ZNF366: variants seen among roughly 807,000 people sequenced by gnomAD.
ZNF366 encodes dendritic cell-specific transcript protein.
Under a neutral mutation model 47.2 loss-of-function variants are expected in ZNF366, and 20 were observed. The ratio of observed to expected loss-of-function variants is 0.42; its 90% CI spans 0.30 to 0.62. The LOEUF (loss-of-function observed/expected upper bound fraction) is 0.62, where lower values mean the gene tolerates loss of function less well. Among genes scored for constraint, ZNF366 ranks in the 20% least tolerant of loss-of-function variants. ZNF366 has a pLI of 0.16. For synonymous variants in ZNF366, 421 were observed against 395.1 expected, an observed-to-expected ratio of 1.07 and a Z score of -0.78; for missense variants, 987 against 976.3, an observed-to-expected ratio of 1.01 and a Z score of -0.15.
At chr5:72,453,263 CTTG>C (rs576379380) in intron 3 of ZNF366, among the ~76,000 whole-genome samples, 272 of 152,328 alleles carry the variant, frequency 1.8e-3, no homozygotes, top group African/African-American at 3.5e-3. Context: ...AAGCCTCTTC[CTTG>C]TTGTGAGTTT....
chr5:72,497,109 G>T (rs1744129959), intron 1 of ZNF366, among the ~76,000 whole-genome samples: 1 of 151,904 alleles, frequency 6.6e-6, no homozygotes, highest in African/African-American at 2.4e-5. Context: ...TTTTATAACG[G>T]TATCTTTTTC....
At chr5:72,471,528 G>A (rs959970016) in intron 1 of ZNF366, among the ~76,000 whole-genome samples, 13 of 152,174 alleles carry the variant, frequency 8.5e-5, no homozygotes, top group Non-Finnish European at 1.8e-4. Context: ...GGCTGGAGGA[G>A]GAAGGTTTGG....
rs542691223 is a variant in ZNF366, at chr5:72,498,130, G to A, written c.-15+9121C>T. On this transcript the variant is annotated intron_variant, in intron 1 of 4. Transcript: ENST00000318442. ...AAAGGCCCTTCCTACTCTGCGATTC[G>A]AAAAAAAAATATCTCTACAGTTGTT... Among the ~76,000 whole-genome samples, 51 of 149,376 alleles carry A rather than the reference G, an allele frequency of 3.4e-4. No individual in the cohort carries two copies. The South Asian group carries it at 9.9e-3, about 29-fold the overall frequency.
chr5:72,445,842 G>A (rs1295465142), intron 4 of ZNF366, among the ~76,000 whole-genome samples: 3 of 152,142 alleles, frequency 2.0e-5, no homozygotes, highest in Admixed American at 2.0e-4. Flanking sequence ...ACTTTTGCAG[G>A]AAAAATAAAA....
intron 1 of ZNF366, among the ~76,000 whole-genome samples, chr5:72,464,136 G>A (rs1743386960): frequency 6.6e-6 from 1 of 152,126 alleles, no homozygotes; most frequent in African/African-American, 2.4e-5. Flanking sequence ...CCTGGTACAT[G>A]CTAGAGAGCT....
At chr5:72,473,221 C>T (rs752311803) in intron 1 of ZNF366, among the ~76,000 whole-genome samples, 3 of 152,146 alleles carry the variant, frequency 2.0e-5, no homozygotes, top group Non-Finnish European at 2.9e-5. Context: ...GAGGAGCAGC[C>T]ATATTGGAAC....
chr5:72,476,077 A>C (rs114774027), intron 1 of ZNF366, among the ~76,000 whole-genome samples: 2,107 of 152,246 alleles, frequency 0.014, 41 homozygotes, highest in African/African-American at 0.049. Context: ...GCACCATAAA[A>C]AAATTTCTTG....
chr5:72,469,258 T>C (rs193056518), intron 1 of ZNF366, among the ~76,000 whole-genome samples: 154 of 152,300 alleles, frequency 1.0e-3, no homozygotes, highest in Admixed American at 7.6e-3. Context: ...ATAGAAATAT[T>C]TTGTATTTTG....
intron 2 of ZNF366, among the ~76,000 whole-genome samples, chr5:72,456,861 G>A (rs11738166): frequency 0.01 from 1,571 of 152,248 alleles, 13 homozygotes; most frequent in Non-Finnish European, 0.016. Context: ...TGTTCCAGCT[G>A]CTGCTGGGGT....
intron 3 of ZNF366, among the ~76,000 whole-genome samples, chr5:72,452,957 A>G (rs1173888211): frequency 6.6e-6 from 1 of 152,222 alleles, no homozygotes; most frequent in Non-Finnish European, 1.5e-5. Context: ...GCTGGCTCCA[A>G]GAAGCACGAG....
chr5:72,472,645 A>G, intron 1 of ZNF366: 1 of 779,546 alleles, frequency 1.3e-6, no homozygotes, highest in Non-Finnish European at 1.6e-6. Context: ...CATAGTAATT[A>G]CAGAATTACA....
chr5:72,469,132 G>A (rs142480000), intron 1 of ZNF366, among the ~76,000 whole-genome samples: 1,546 of 152,214 alleles, frequency 0.01, 18 homozygotes, highest in African/African-American at 0.036. Context: ...CAGAAAATAC[G>A]ATGATCTGCA....
chr5:72,455,583 G>C (rs1398103578), intron 3 of ZNF366, among the ~76,000 whole-genome samples: 1 of 152,200 alleles, frequency 6.6e-6, no homozygotes, highest in East Asian at 1.9e-4. Flanking sequence ...TTTAGAAGTA[G>C]AGAGAGGAAA....
intron 1 of ZNF366, among the ~76,000 whole-genome samples, chr5:72,504,914 C>T (rs1040680017): frequency 6.6e-6 from 1 of 152,156 alleles, no homozygotes; most frequent in Non-Finnish European, 1.5e-5. Context: ...TAAGTACCTG[C>T]CCCGAGGCCC....
chr5:72,491,658 CACTT>C (rs1020664444), intron 1 of ZNF366, among the ~76,000 whole-genome samples: 14 of 152,186 alleles, frequency 9.2e-5, no homozygotes, highest in Non-Finnish European at 1.2e-4. Flanking sequence ...CAGAAAAAGA[CACTT>C]AATAAATGGC....
At chr5:72,479,918 C>T (rs916665452) in intron 1 of ZNF366, among the ~76,000 whole-genome samples, 5 of 152,098 alleles carry the variant, frequency 3.3e-5, no homozygotes, top group Non-Finnish European at 5.9e-5. Context: ...CTAATATAAC[C>T]AAGACTTCAG....
chr5:72,488,041 A>G (rs1743926214), intron 1 of ZNF366, among the ~76,000 whole-genome samples: 1 of 151,918 alleles, frequency 6.6e-6, no homozygotes, highest in Non-Finnish European at 1.5e-5. Flanking sequence ...CCCCCTCCCT[A>G]CTAAAAATAC....
In ZNF366 at chr5:72,493,573, T is replaced by A. The variant is rs541430055; in HGVS notation, c.-15+13678A>T. On this transcript the variant is annotated intron_variant, in intron 1 of 4. Transcript: ENST00000318442. Reference sequence around the variant, plus strand: ...TTCTTTGCTGTCAGAAGACCTAGATTCTTCAAAACACACCTTCTGCAACTT... The same window carrying A: ...TTCTTTGCTGTCAGAAGACCTAGATACTTCAAAACACACCTTCTGCAACTT... 2.0e-5 allele frequency: 3 copies of A among 152,298 alleles called. No homozygotes were observed. In the East Asian group the frequency reaches 5.8e-4, roughly 29 times the overall value. The allele number at this position is 152,298 out of a possible 1,614,324, so 9.4% of individuals were successfully genotyped here.
intron 1 of ZNF366, among the ~76,000 whole-genome samples, chr5:72,495,514 G>A (rs985582447): frequency 3.9e-5 from 6 of 152,050 alleles, no homozygotes; most frequent in South Asian, 2.1e-4. Context: ...CTAGGCTGCC[G>A]TTTCACCATG....
Sources: allele counts gnomAD v4.1 joint callset (sites outside exome capture counted in the v4.1 genomes callset), GRCh38; gene constraint gnomAD v4.1.1; transcripts MANE v1.5; gene names NCBI Gene and HGNC (gene_info 2026-07-23, HGNC 2026-07-21).